The following ENTPD5 variants were observed in gnomAD, a reference collection of about 807,000 sequenced individuals.
The protein encoded by ENTPD5 is ectonucleoside triphosphate diphosphohydrolase 5 (inactive).
A neutral mutation model predicts 60.2 loss-of-function variants in ENTPD5; 49 were observed. The observed-to-expected ratio is 0.81, with a 90% confidence interval of 0.65 to 1.03. The LOEUF (loss-of-function observed/expected upper bound fraction) is 1.03. Ranked by LOEUF, ENTPD5 falls within the 50% of genes least tolerant of loss-of-function variation. The pLI, the probability that ENTPD5 is intolerant of heterozygous loss-of-function variation, is 0.00. For synonymous variants in ENTPD5, 187 were observed against 185.4 expected (o/e 1.01, Z -0.07); for missense variants, 480 against 507.6 (o/e 0.95, Z 0.52).
At chr14:73,960,946 A>T (rs900238161), downstream of ENTPD5, 3 of 626,460 alleles carry the variant, frequency 4.8e-6, no homozygotes, top group Non-Finnish European at 8.5e-6. Flanking sequence ...TGAAGCTCAG[A>T]AGTAGGCAGG....
chr14:73,963,237 GA>G lies in ENTPD5; in HGVS notation c.*3690del, dbSNP rs1265524468. The G allele has an allele frequency of 9.6e-5, 55 of 571,264 alleles. No individual in the cohort carries two copies. Among genetic ancestry groups the G allele is most frequent in the Non-Finnish European group, 1.6e-4 (51 of 322,584 alleles). The allele number at this position is 571,264 out of a possible 1,614,324, so 35.4% of individuals were successfully genotyped here. ...TCGAAGGAAGACTTACAATTTGGTT[GA>G]AAAGAGCTTTTTATTACTAAAAAAC... is the stretch of plus-strand genomic sequence containing the variant. On this transcript the variant is annotated 3_prime_UTR_variant, in exon 16 of 16. Transcript: ENST00000334696.
chr14:73,974,560 C>T (rs1183575306), intron 11 of ENTPD5, among the ~76,000 whole-genome samples: 2 of 152,146 alleles, frequency 1.3e-5, no homozygotes, highest in South Asian at 2.1e-4. Context: ...TCTGTTGTTC[C>T]ACCTGCATGT....
intron 3 of ENTPD5, among the ~76,000 whole-genome samples, chr14:74,003,830 C>T (rs1267458766): frequency 6.6e-6 from 1 of 152,128 alleles, no homozygotes; most frequent in Non-Finnish European, 1.5e-5. Flanking sequence ...GGCATGGTGC[C>T]TCATGCCTGT....
At chr14:73,975,869 G>T in intron 10 of ENTPD5, 67 bp downstream of exon 10, 1 of 1,319,854 alleles carries the variant, frequency 7.6e-7, no homozygotes, top group Non-Finnish European at 1.1e-6. Context: ...ACAGATTTGA[G>T]AATGCTTTGG....
intron 3 of ENTPD5, among the ~76,000 whole-genome samples, chr14:74,003,067 CTT>C (rs1446397691): frequency 5.3e-5 from 8 of 152,200 alleles, no homozygotes; most frequent in African/African-American, 1.9e-4. Flanking sequence ...TTAAAAATCA[CTT>C]TCTTATTGAG....
chr14:73,994,786 G>A (rs899896772), intron 3 of ENTPD5, among the ~76,000 whole-genome samples: 8 of 150,400 alleles, frequency 5.3e-5, no homozygotes, highest in Non-Finnish European at 1.5e-5. Context: ...TACAGAACCC[G>A]AGTCTGCACA....
chr14:74,005,971 G>A (rs1363179989), intron 3 of ENTPD5, among the ~76,000 whole-genome samples: 2 of 152,020 alleles, frequency 1.3e-5, no homozygotes, highest in African/African-American at 4.8e-5. Flanking sequence ...GTTTCTAAAG[G>A]TGAAAAGAAA....
At position 73,985,863 on chromosome 14, in the gene ENTPD5, G is replaced by A. The variant is rs534212903; in HGVS notation, c.297+951C>T. Among the ~76,000 whole-genome samples the A allele has an allele frequency of 6.3e-4, 96 of 152,100 alleles. 2 individuals carry two copies. The highest frequency in any genetic ancestry group is 6.2e-3 in the Admixed American group (95 of 15,264). On this transcript the variant is annotated intron_variant, in intron 5 of 15. Transcript: ENST00000334696. Reference sequence around the variant, plus strand: ...CTGACATGGGCGGATCACAAGGTCAGGAGTTCAAGACCAGCCTGGCCATCA... The same window carrying A: ...CTGACATGGGCGGATCACAAGGTCAAGAGTTCAAGACCAGCCTGGCCATCA...
downstream of ENTPD5, chr14:73,959,252 C>A: frequency 6.2e-7 from 1 of 1,614,222 alleles, no homozygotes; most frequent in Non-Finnish European, 8.5e-7. Context: ...CCAGTCCGCC[C>A]ACATGCATGC....
At chr14:73,971,415 C>T (rs1323227969) in intron 14 of ENTPD5, among the ~76,000 whole-genome samples, 4 of 152,192 alleles carry the variant, frequency 2.6e-5, no homozygotes, top group African/African-American at 9.7e-5. Flanking sequence ...CCTTGGCCTC[C>T]CAAAATGCTG....
chr14:74,004,742 C>T (rs1348571535), intron 3 of ENTPD5, among the ~76,000 whole-genome samples: 1 of 152,062 alleles, frequency 6.6e-6, no homozygotes, highest in African/African-American at 2.4e-5. Flanking sequence ...CCAGAGCAGT[C>T]AATCCAAGAA....
In ENTPD5 at chr14:73,966,800, A is replaced by T. The variant is rs2058323392; in HGVS notation, c.*128T>A. 1.4e-6 allele frequency: 1 copy of T among 706,498 alleles called. No individual in the cohort carries two copies. The highest frequency in any genetic ancestry group is 2.4e-6 in the Non-Finnish European group (1 of 410,332). The allele number at this position is 706,498 out of a possible 1,614,324, so 43.8% of individuals were successfully genotyped here. On this transcript the variant is annotated 3_prime_UTR_variant, in exon 16 of 16. Coordinates refer to ENST00000334696, the MANE Select transcript of ENTPD5 (RefSeq NM_001249.5). ...AGGCAGCAGTTCACATTAGATGTGT[A>T]AAATTAATTAAACCTAAATCTCTAG...
intron 2 of ENTPD5, 99 bp from the exon 3 acceptor site, chr14:74,011,249 A>G (rs1422749307): frequency 9.9e-6 from 2 of 202,172 alleles, no homozygotes; most frequent in Non-Finnish European, 1.8e-5. Flanking sequence ...CCACATTTTC[A>G]TTTCTAATCT....
At chr14:74,018,386 A>C (rs1379622203) in intron 1 of ENTPD5, 1 of 152,194 alleles carries the variant, frequency 6.6e-6, no homozygotes, top group Non-Finnish European at 1.5e-5. Flanking sequence ...CATTTAAAAT[A>C]AACTTTTTAA....
chr14:73,998,117 C>T (rs1000792333), intron 3 of ENTPD5, among the ~76,000 whole-genome samples: 1 of 152,096 alleles, frequency 6.6e-6, no homozygotes, highest in African/African-American at 2.4e-5. Context: ...GAAAACTGTT[C>T]TCATGAAAGC....
downstream of ENTPD5, chr14:73,961,410 C>T: frequency 1.2e-6 from 2 of 1,614,172 alleles, no homozygotes; most frequent in African/African-American, 1.3e-5. Flanking sequence ...ACTCCCTTCT[C>T]ACTTTGCTGC....
At chr14:73,968,077 T>C (rs568611501) in intron 15 of ENTPD5, among the ~76,000 whole-genome samples, 14 of 152,004 alleles carry the variant, frequency 9.2e-5, no homozygotes, top group African/African-American at 3.1e-4. Flanking sequence ...TGAGCTGAGA[T>C]TGCACCATTG....
chr14:73,983,277 C>T (rs920481058), intron 5 of ENTPD5, 116 bp from the exon 6 acceptor site: 105 of 1,063,668 alleles, frequency 9.9e-5, no homozygotes, highest in Non-Finnish European at 1.2e-4. Context: ...AGGGCTCCAA[C>T]CTCTCTCTGC....
intron 11 of ENTPD5, 51 bp downstream of exon 11, chr14:73,974,873 G>T (rs747919929): frequency 7.1e-7 from 1 of 1,413,934 alleles, no homozygotes; most frequent in South Asian, 1.2e-5. Context: ...AGCAAGCGGA[G>T]TATCTGTGTC....
Sources: gnomAD v4.1 joint callset for allele counts (sites outside exome capture counted in the v4.1 genomes callset) on GRCh38, gnomAD v4.1.1 for gene constraint, MANE v1.5 for transcripts, NCBI Gene and HGNC (gene_info 2026-07-23, HGNC 2026-07-21) for gene names.